Variants in INSYN2B observed in about 807,000 individuals in gnomAD.
INSYN2B encodes the protein protein INSYN2B.
Under a neutral mutation model 41.2 loss-of-function variants are expected in INSYN2B, and 16 were observed. The observed-to-expected ratio is 0.39, with a 90% CI of 0.26 to 0.59. The LOEUF is 0.59. Ranked by LOEUF, INSYN2B falls within the 20% of genes least tolerant of loss-of-function variation. The pLI is 0.57. For synonymous variants in INSYN2B, 245 were observed against 244.4 expected (o/e 1.00, Z -0.02); for missense variants, 608 against 646.4 (o/e 0.94, Z 0.64).
chr5:169,963,687 C>T (rs1331505764), intron 1 of INSYN2B, among the ~76,000 whole-genome samples: 1 of 152,114 alleles, frequency 6.6e-6, no homozygotes, highest in Admixed American at 6.5e-5. Context: ...AGTCTCTTTT[C>T]ACCCTTTCTT....
intron 3 of INSYN2B, among the ~76,000 whole-genome samples, chr5:169,867,601 CATCT>C (rs905107618): frequency 4.7e-5 from 7 of 149,860 alleles, no homozygotes; most frequent in Non-Finnish European, 1.0e-4. Context: ...GTTATCTATC[CATCT>C]ATCATGTATC....
intron 3 of INSYN2B, among the ~76,000 whole-genome samples, chr5:169,872,559 T>C (rs74729270): frequency 0.02 from 3,033 of 152,340 alleles, 103 homozygotes; most frequent in African/African-American, 0.07. Context: ...GGTTCTCTTC[T>C]TGGCATGTAT....
intron 1 of INSYN2B, among the ~76,000 whole-genome samples, chr5:169,932,225 G>T (rs977304087): frequency 4.6e-5 from 7 of 152,322 alleles, no homozygotes; most frequent in African/African-American, 1.7e-4. Flanking sequence ...AGAGTAAGGA[G>T]GGTGGGTCCC....
chr5:169,933,038 G>A (rs979918457), intron 1 of INSYN2B, among the ~76,000 whole-genome samples: 2 of 152,294 alleles, frequency 1.3e-5, no homozygotes, highest in Admixed American at 1.3e-4. Flanking sequence ...GCAGGTATTG[G>A]CAGGCAAAAT....
intron 1 of INSYN2B, among the ~76,000 whole-genome samples, chr5:169,970,507 C>T (rs1777464278): frequency 6.6e-6 from 1 of 152,184 alleles, no homozygotes; most frequent in Non-Finnish European, 1.5e-5. Flanking sequence ...GTCAACTCAA[C>T]ACTGTGATCA....
intron 1 of INSYN2B, among the ~76,000 whole-genome samples, chr5:169,961,053 C>T (rs1034465543): frequency 6.6e-6 from 1 of 152,092 alleles, no homozygotes; most frequent in African/African-American, 2.4e-5. Flanking sequence ...TGGTAAACAC[C>T]CCAGTATATT....
intron 1 of INSYN2B, among the ~76,000 whole-genome samples, chr5:169,962,285 A>T (rs371311287): frequency 2.0e-5 from 3 of 152,276 alleles, no homozygotes; most frequent in African/African-American, 7.2e-5. Context: ...AGAGAAAAGG[A>T]GAGAGTCTGG....
At chr5:169,940,044 C>G (rs750157764) in intron 1 of INSYN2B, among the ~76,000 whole-genome samples, 10 of 152,220 alleles carry the variant, frequency 6.6e-5, no homozygotes, top group Non-Finnish European at 1.3e-4. Context: ...AGGGAGTTTT[C>G]TCACTGTGTC....
At chr5:169,951,849 A>T (rs1776679325) in intron 1 of INSYN2B, among the ~76,000 whole-genome samples, 1 of 152,218 alleles carries the variant, frequency 6.6e-6, no homozygotes. Flanking sequence ...CTGAAAATTT[A>T]GGAAACTTGC....
intron 1 of INSYN2B, among the ~76,000 whole-genome samples, chr5:169,925,007 T>C (rs1581424991): frequency 2.0e-5 from 3 of 152,234 alleles, no homozygotes; most frequent in South Asian, 4.1e-4. Context: ...TTTCAGAGTA[T>C]TGACTCAAGT....
At chr5:169,958,988 G>A (rs1014437847) in intron 1 of INSYN2B, among the ~76,000 whole-genome samples, 5 of 152,276 alleles carry the variant, frequency 3.3e-5, no homozygotes, top group Middle Eastern at 3.4e-3. Context: ...AACAGCTCCC[G>A]TTAGTAAACT....
rs762880504 is a variant in INSYN2B at position 169,882,948 on chromosome 5, G to A, written c.951C>T (p.His317=). The A allele has an allele frequency of 2.6e-6, 4 of 1,551,730 alleles. No individual in the cohort carries two copies. The highest frequency in any genetic ancestry group is 4.9e-5 in the East Asian group (2 of 40,936). The change falls in exon 2 of 4, where the codon CAC becomes CAT. Residue 317 remains histidine (H), a synonymous_variant. Transcript: ENST00000377365. Reference sequence around the variant, plus strand: ...CTCTTCCTGGGTGGGCTGGCTGGCTGTGGGAGCCTTGTGAGGGGGAACTGT... The same window carrying A: ...CTCTTCCTGGGTGGGCTGGCTGGCTATGGGAGCCTTGTGAGGGGGAACTGT... ...RTHSSPSQGS[H]SQPAHPGRAS...
chr5:169,971,493 G>T (rs1777508495), intron 1 of INSYN2B, among the ~76,000 whole-genome samples: 2 of 150,928 alleles, frequency 1.3e-5, no homozygotes, highest in Admixed American at 1.3e-4. Flanking sequence ...GGCTTTACAG[G>T]AGCTCATTAA....
chr5:169,867,199 G>C (rs1248802453), intron 3 of INSYN2B, among the ~76,000 whole-genome samples: 1 of 152,218 alleles, frequency 6.6e-6, no homozygotes, highest in Non-Finnish European at 1.5e-5. Flanking sequence ...TCCAGGGTAT[G>C]GGCAGGACCC....
chr5:169,949,293 G>A (rs770187113), intron 1 of INSYN2B, among the ~76,000 whole-genome samples: 1 of 152,144 alleles, frequency 6.6e-6, no homozygotes, highest in Non-Finnish European at 1.5e-5. Flanking sequence ...TACTTCCCAG[G>A]AGGGAGATCA....
chr5:169,930,751 G>A (rs1233139759), intron 1 of INSYN2B, among the ~76,000 whole-genome samples: 1 of 152,162 alleles, frequency 6.6e-6, no homozygotes, highest in Non-Finnish European at 1.5e-5. Flanking sequence ...AGAGTCGGGT[G>A]GAAGGCACTG....
chr5:169,884,148 A>T lies in INSYN2B; in HGVS notation c.-250T>A. 2.9e-6 allele frequency: 1 copy of T among 350,646 alleles called. No individual in the cohort carries two copies. Among genetic ancestry groups the T allele is most frequent in the Non-Finnish European group, 5.1e-6 (1 of 195,540 alleles). The allele number at this position is 350,646 out of a possible 1,614,324, so 21.7% of individuals were successfully genotyped here. ...CATTGTAGTCATAATTGCTCCTTGG[A>T]AAAACAAATGAGTTAGGCTAACTAT... On this transcript the variant is annotated 5_prime_UTR_variant, in exon 2 of 4. Coordinates refer to ENST00000377365, the MANE Select transcript of INSYN2B (RefSeq NM_001129891.3).
At chr5:169,891,153 C>T (rs1214229875) in intron 1 of INSYN2B, among the ~76,000 whole-genome samples, 4 of 152,130 alleles carry the variant, frequency 2.6e-5, no homozygotes, top group Admixed American at 1.3e-4. Context: ...GATTCATTCT[C>T]ATCATCTGGC....
intron 1 of INSYN2B, among the ~76,000 whole-genome samples, chr5:169,943,478 AT>A (rs1416192526): frequency 6.6e-6 from 1 of 152,166 alleles, no homozygotes; most frequent in Non-Finnish European, 1.5e-5. Flanking sequence ...ACATAAAAAG[AT>A]TTTAGGGCCT....
Sources: gnomAD v4.1 joint callset for allele counts (sites outside exome capture counted in the v4.1 genomes callset) on GRCh38, gnomAD v4.1.1 for gene constraint, MANE v1.5 for transcripts, NCBI Gene and HGNC (gene_info 2026-07-23, HGNC 2026-07-21) for gene names.